The following ASB3 variants were observed in gnomAD, a reference collection of about 807,000 sequenced individuals.
The protein encoded by ASB3 is ankyrin repeat and SOCS box protein 3.
Under a neutral mutation model 54.5 loss-of-function variants are expected in ASB3, and 41 were observed. The observed-to-expected ratio is 0.75, with a 90% CI of 0.59 to 0.98. ASB3 has a LOEUF of 0.98. Among genes scored for constraint, ASB3 ranks in the 50% least tolerant of loss-of-function variants. ASB3 has a pLI of 0.00. For synonymous variants in ASB3, 266 were observed against 221.2 expected (o/e 1.20, Z -1.80); for missense variants, 733 against 620.0 (o/e 1.18, Z -1.94).
intron 9 of ASB3, among the ~76,000 whole-genome samples, chr2:53,671,353 C>CGTGTGTGTGTGTGTGTGT (rs142473697): frequency 4.9e-5 from 7 of 142,510 alleles, no homozygotes; most frequent in African/African-American, 1.6e-4. Context: ...GAACCCAAAG[C>CGTGTGTGTGTGTGTGTGT]GTGTGTGTGT....
intron 9 of ASB3, among the ~76,000 whole-genome samples, chr2:53,693,331 G>T (rs1669015162): frequency 6.6e-6 from 1 of 152,090 alleles, no homozygotes; most frequent in African/African-American, 2.4e-5. Flanking sequence ...GAGGTAAGTT[G>T]AAATTTTGTT....
At chr2:53,691,847 C>T (rs974180225) in intron 9 of ASB3, among the ~76,000 whole-genome samples, 5 of 152,070 alleles carry the variant, frequency 3.3e-5, no homozygotes, top group Non-Finnish European at 7.4e-5. Flanking sequence ...AGAGGAAGCA[C>T]CAAAGAATAC....
At chr2:53,688,225 G>A (rs1004816508) in intron 9 of ASB3, among the ~76,000 whole-genome samples, 12 of 152,232 alleles carry the variant, frequency 7.9e-5, no homozygotes, top group South Asian at 4.1e-4. Context: ...AAATAAACCC[G>A]AAAAACCAGT....
chr2:53,765,991 A>G (rs1271367896), intron 1 of ASB3, among the ~76,000 whole-genome samples: 1 of 152,100 alleles, frequency 6.6e-6, no homozygotes, highest in African/African-American at 2.4e-5. Flanking sequence ...TACATTATGC[A>G]GAGATGGCCA....
chr2:53,690,846 T>C (rs545211330), intron 9 of ASB3, among the ~76,000 whole-genome samples: 1 of 152,330 alleles, frequency 6.6e-6, no homozygotes, highest in Middle Eastern at 3.4e-3. Context: ...GAGAGTTTCC[T>C]GGGGTCCTTT....
intron 5 of ASB3, among the ~76,000 whole-genome samples, chr2:53,724,342 G>A (rs1670872462): frequency 6.6e-6 from 1 of 152,200 alleles, no homozygotes. Flanking sequence ...GCTCACGCCT[G>A]TAATCTCAGC....
chr2:53,728,918 G>GTT, intron 4 of ASB3, 71 bp from the exon 5 acceptor site: 42 of 1,304,948 alleles, frequency 3.2e-5, no homozygotes, highest in South Asian at 1.1e-4. Context: ...TTCTTACTGT[G>GTT]TTTTTTTTTT....
chr2:53,685,646 G>C (rs1034330736), intron 9 of ASB3, among the ~76,000 whole-genome samples: 1 of 152,144 alleles, frequency 6.6e-6, no homozygotes, highest in Non-Finnish European at 1.5e-5. Flanking sequence ...CTTATAAAAA[G>C]ATGAGGATTA....
At chr2:53,703,263 T>C (rs908745637) in intron 7 of ASB3, among the ~76,000 whole-genome samples, 39 of 152,344 alleles carry the variant, frequency 2.6e-4, no homozygotes, top group African/African-American at 8.4e-4. Context: ...CATATCAATA[T>C]AGCTGCTAAC....
At chr2:53,732,137 T>G (rs535810093) in intron 3 of ASB3, among the ~76,000 whole-genome samples, 56 of 151,840 alleles carry the variant, frequency 3.7e-4, no homozygotes, top group African/African-American at 1.3e-3. Flanking sequence ...TTTTGTATTT[T>G]TAGTAGAGAC....
intron 1 of ASB3, chr2:53,767,279 C>T (rs1472596740): frequency 6.6e-6 from 1 of 152,214 alleles, no homozygotes; most frequent in African/African-American, 2.4e-5. Context: ...TACTCTTTCA[C>T]AAGCGTAAAC....
At chr2:53,740,822 C>T (rs1372679713) in intron 3 of ASB3, among the ~76,000 whole-genome samples, 1 of 152,166 alleles carries the variant, frequency 6.6e-6, no homozygotes, top group Non-Finnish European at 1.5e-5. Context: ...CAGAAAAATA[C>T]ATCCTTCAAT....
At chr2:53,764,264 T>A (rs1364956074) in intron 2 of ASB3, among the ~76,000 whole-genome samples, 4 of 152,198 alleles carry the variant, frequency 2.6e-5, no homozygotes, top group Non-Finnish European at 5.9e-5. Flanking sequence ...CAGAGTATTA[T>A]AGTCAACCTC....
chr2:53,678,158 T>C (rs201234072), intron 9 of ASB3, among the ~76,000 whole-genome samples: 1 of 123,854 alleles, frequency 8.1e-6, no homozygotes, highest in South Asian at 2.8e-4. Flanking sequence ...TGTGTGTGTG[T>C]GCATGTGTGT....
rs1572866490 is a variant in ASB3, at chr2:53,700,392, G to A, written c.1117C>T (p.Pro373Ser). The change falls in exon 8 of 10, where the codon CCA becomes TCA. Residue 373 changes from proline (P) to serine (S), a missense_variant. Transcript: ENST00000263634. Reference protein sequence around the residue: ...YFLRKGCSLGPWNHIYEFVNH... With the variant: ...YFLRKGCSLGSWNHIYEFVNH... Reference sequence around the variant, plus strand: ...ACAAATTCATATATATGGTTCCATGGTCCCAATGAGCAACCTTTCCTCAAA... The same window carrying A: ...ACAAATTCATATATATGGTTCCATGATCCCAATGAGCAACCTTTCCTCAAA... 3 of 1,614,056 alleles carry A rather than the reference G, an allele frequency of 1.9e-6. No homozygotes were observed. Among genetic ancestry groups the A allele is most frequent in the Non-Finnish European group, 2.5e-6 (3 of 1,180,008 alleles).
At chr2:53,781,876 T>C (rs1674669179) in intron 1 of ASB3, among the ~76,000 whole-genome samples, 1 of 152,256 alleles carries the variant, frequency 6.6e-6, no homozygotes, top group African/African-American at 2.4e-5. Flanking sequence ...ACTTATCTCC[T>C]ACAGCCATAA....
intron 5 of ASB3, among the ~76,000 whole-genome samples, chr2:53,724,683 T>C (rs949309853): frequency 1.3e-5 from 2 of 151,236 alleles, no homozygotes; most frequent in Non-Finnish European, 2.9e-5. Flanking sequence ...ACATGAAGAA[T>C]TGCTCAACAT....
Position 53,765,549 on chromosome 2 carries a change from C to T in ASB3, c.24G>A (p.Ala8=), listed in dbSNP as rs1319476157. MDFTEAY[A]DTCSTVGLAA... is the part of the protein sequence containing the mutation. ...CAAGTCCAACTGTAGAGCACGTGTCCGCGTAAGCCTCTGTAAAATCCATTT... is the reference window on the plus strand; with the variant it reads ...CAAGTCCAACTGTAGAGCACGTGTCTGCGTAAGCCTCTGTAAAATCCATTT... The change falls in exon 2 of 10, where the codon GCG becomes GCA. Residue 8 remains alanine (A), a synonymous_variant. Transcript: ENST00000263634. The T allele has an allele frequency of 6.2e-6, 10 of 1,614,028 alleles. No individual in the cohort carries two copies. The highest frequency in any genetic ancestry group is 2.2e-5 in the East Asian group (1 of 44,892).
chr2:53,774,402 T>G (rs752432878), intron 1 of ASB3: 1 of 1,613,248 alleles, frequency 6.2e-7, no homozygotes, highest in Non-Finnish European at 8.5e-7. Context: ...ATACAGAATA[T>G]CTTTTTGAAC....
Sources: gnomAD v4.1 joint callset for allele counts (sites outside exome capture counted in the v4.1 genomes callset) on GRCh38, gnomAD v4.1.1 for gene constraint, MANE v1.5 for transcripts, NCBI Gene and HGNC (gene_info 2026-07-23, HGNC 2026-07-21) for gene names.